NUP133: variants seen among roughly 807,000 people sequenced by gnomAD.
NUP133 encodes nuclear pore complex protein Nup133.
In NUP133, 66 loss-of-function variants were observed where a neutral mutation model predicts 146.2. The observed-to-expected ratio is 0.45, with a 90% CI of 0.37 to 0.55. The LOEUF is 0.55. NUP133 is among the 20% of genes least tolerant of loss of function. NUP133 has a pLI of 0.00. For synonymous variants in NUP133, 521 were observed against 498.8 expected, an observed-to-expected ratio of 1.04 and a Z score of -0.59; for missense variants, 1,277 against 1,374.8, an observed-to-expected ratio of 0.93 and a Z score of 1.12.
At chr1:229,457,307 A>G (rs1161790028) in intron 21 of NUP133, among the ~76,000 whole-genome samples, 3 of 152,282 alleles carry the variant, frequency 2.0e-5, no homozygotes, top group Non-Finnish European at 4.4e-5. Flanking sequence ...TTCAAATTCA[A>G]TAATACAGAG....
intron 12 of NUP133, 118 bp from the exon 13 acceptor site, chr1:229,477,878 T>C (rs1281792806): frequency 5.7e-6 from 4 of 706,180 alleles, no homozygotes; most frequent in African/African-American, 5.4e-5. Flanking sequence ...ATCCTGTCAT[T>C]CGCAACAGTA....
intron 12 of NUP133, among the ~76,000 whole-genome samples, chr1:229,478,668 G>C (rs1459043475): frequency 1.3e-5 from 2 of 152,124 alleles, no homozygotes. Flanking sequence ...GACAACTAGG[G>C]TGTCAATGAA....
At chr1:229,444,603 T>C (rs556974946) in intron 25 of NUP133, among the ~76,000 whole-genome samples, 1 of 151,930 alleles carries the variant, frequency 6.6e-6, no homozygotes, top group African/African-American at 2.4e-5. Flanking sequence ...TTTTTTTCTT[T>C]AGACAGAGGC....
At chr1:229,449,851 TTATATATATA>T (rs1444482309) in intron 23 of NUP133, among the ~76,000 whole-genome samples, 1 of 67,624 alleles carries the variant, frequency 1.5e-5, no homozygotes, top group Admixed American at 2.0e-4. Context: ...TATGAAGATT[TTATATATATA>T]TATATATATA....
chr1:229,486,321 C>G, intron 11 of NUP133, 50 bp downstream of exon 11: 1 of 1,498,086 alleles, frequency 6.7e-7, no homozygotes, highest in Non-Finnish European at 8.8e-7. Context: ...GACACTATCT[C>G]TAAAAAATAA....
chr1:229,449,873 ATTTTTTT>A (rs71281043), intron 23 of NUP133, among the ~76,000 whole-genome samples: 3 of 85,788 alleles, frequency 3.5e-5, no homozygotes, highest in African/African-American at 1.0e-4. Context: ...ATATATATAT[ATTTTTTT>A]TTTTTTTTTT....
rs765393327 is a variant in NUP133 at position 229,506,027 on chromosome 1, A to G, written c.301+13T>C. On this transcript the variant is annotated intron_variant, in intron 2 of 25. Coordinates refer to ENST00000261396, the MANE Select transcript of NUP133 (RefSeq NM_018230.3). The stretch of plus-strand genomic sequence containing the variant: ...AAACTGCTAATATAGGTAAATGGAA[A>G]GATGACACCTACCTTCAGCCAATGT... 4.8e-6 allele frequency: 7 copies of G among 1,464,390 alleles called. No homozygotes were observed. The East Asian group carries it at 1.6e-4, about 33-fold the overall frequency. 90.7% of individuals were successfully genotyped at this position (1,464,390 alleles called of 1,614,324 possible). A position where few individuals can be genotyped will look rare whatever the true frequency, so the allele number is the denominator to read the frequency against.
At chr1:229,445,742 T>C (rs111652425) in intron 24 of NUP133, among the ~76,000 whole-genome samples, 2 of 152,368 alleles carry the variant, frequency 1.3e-5, no homozygotes, top group African/African-American at 4.8e-5. Flanking sequence ...CAAGGAATTC[T>C]AATCAAAATG....
chr1:229,456,159 T>C (rs1180811774), intron 21 of NUP133, among the ~76,000 whole-genome samples: 1 of 152,234 alleles, frequency 6.6e-6, no homozygotes, highest in African/African-American at 2.4e-5. Flanking sequence ...TGGTAGTACA[T>C]TGCTTCAGGA....
chr1:229,455,784 A>G (rs1660546158), intron 21 of NUP133, among the ~76,000 whole-genome samples: 3 of 152,200 alleles, frequency 2.0e-5, no homozygotes, highest in African/African-American at 7.2e-5. Flanking sequence ...ATCTCCTAAA[A>G]ACAAGGACAT....
intron 15 of NUP133, among the ~76,000 whole-genome samples, chr1:229,469,939 T>A (rs142487274): frequency 2.6e-5 from 4 of 152,132 alleles, no homozygotes; most frequent in Non-Finnish European, 5.9e-5. Context: ...GGCAGGAGAA[T>A]TGCTTGAAGC....
chr1:229,503,796 G>A (rs1454658820), intron 2 of NUP133, among the ~76,000 whole-genome samples: 4 of 152,116 alleles, frequency 2.6e-5, no homozygotes, highest in Non-Finnish European at 4.4e-5. Context: ...TTTCTAAGTG[G>A]GGAAGAGTTC....
rs1661056376 is a variant in NUP133, at chr1:229,475,606, A to T, written c.1851+32T>A. 2.0e-6 allele frequency: 3 copies of T among 1,532,142 alleles called. No homozygotes were observed. In the African/African-American group the frequency reaches 4.1e-5, roughly 21 times the overall value. The allele number at this position is 1,532,142 out of a possible 1,614,324, so 94.9% of individuals were successfully genotyped here. On this transcript the variant is annotated intron_variant, in intron 14 of 25. Coordinates refer to ENST00000261396, the MANE Select transcript of NUP133 (RefSeq NM_018230.3). ...CTGTGTTGGAGAGACTGCCAAAGGC[A>T]GAGCCCTGTGCCCAGCACCCTGCGC... is the stretch of plus-strand genomic sequence containing the variant.
chr1:229,483,442 G>C (rs1661266388), intron 12 of NUP133, among the ~76,000 whole-genome samples: 1 of 152,070 alleles, frequency 6.6e-6, no homozygotes, highest in Non-Finnish European at 1.5e-5. Context: ...CATGCGGCTG[G>C]AAGTGGTGGC....
At chr1:229,445,042 T>G in intron 24 of NUP133, 40 bp from the exon 25 acceptor site, 17 of 1,321,924 alleles carry the variant, frequency 1.3e-5, no homozygotes, top group Non-Finnish European at 1.8e-5. Context: ...ATGAAATCAC[T>G]GATATAGCTG....
At chr1:229,461,039 T>C (rs1244006932) in intron 19 of NUP133, among the ~76,000 whole-genome samples, 1 of 152,230 alleles carries the variant, frequency 6.6e-6, no homozygotes, top group African/African-American at 2.4e-5. Context: ...TGGCCATACG[T>C]AGCTGTTTAA....
intron 10 of NUP133, 30 bp from the exon 11 acceptor site, chr1:229,486,558 A>T (rs1661355923): frequency 1.3e-6 from 2 of 1,581,616 alleles, no homozygotes; most frequent in South Asian, 2.4e-5. Flanking sequence ...AGTCAAATAC[A>T]TCTAACAATA....
At chr1:229,478,864 T>C (rs1324179924) in intron 12 of NUP133, among the ~76,000 whole-genome samples, 1 of 152,090 alleles carries the variant, frequency 6.6e-6, no homozygotes, top group South Asian at 2.1e-4. Flanking sequence ...GATTGCTCTA[T>C]CATATGGAGA....
intron 9 of NUP133, among the ~76,000 whole-genome samples, chr1:229,489,547 G>A (rs1661456878): frequency 6.6e-6 from 1 of 152,182 alleles, no homozygotes. Flanking sequence ...ATATTTCCAA[G>A]CCCTGCAGAT....
Sources: allele counts gnomAD v4.1 joint callset (sites outside exome capture counted in the v4.1 genomes callset), GRCh38; gene constraint gnomAD v4.1.1; transcripts MANE v1.5; gene names NCBI Gene and HGNC (gene_info 2026-07-23, HGNC 2026-07-21).